Variants in NOL10 observed in about 807,000 individuals in gnomAD.
The protein encoded by NOL10 is nucleolar protein 10.
Under a neutral mutation model 103.5 loss-of-function variants are expected in NOL10, and 58 were observed. The ratio of observed to expected loss-of-function variants is 0.56; its 90% CI spans 0.45 to 0.70. NOL10 has a LOEUF of 0.70. NOL10 is among the 30% of genes least tolerant of loss of function. The pLI is 0.00. For synonymous variants in NOL10, 287 were observed against 282.5 expected, an observed-to-expected ratio of 1.02 and a Z score of -0.16; for missense variants, 763 against 807.3, an observed-to-expected ratio of 0.95 and a Z score of 0.67.
At chr2:10,613,470 T>C (rs567377330) in intron 13 of NOL10, among the ~76,000 whole-genome samples, 2 of 152,362 alleles carry the variant, frequency 1.3e-5, no homozygotes, top group South Asian at 4.1e-4. Context: ...CCGATCAAGA[T>C]AGCTTTGCAA....
intron 7 of NOL10, among the ~76,000 whole-genome samples, chr2:10,668,093 T>C (rs1176492430): frequency 6.6e-6 from 1 of 152,138 alleles, no homozygotes; most frequent in Admixed American, 6.6e-5. Context: ...AAAAATCTGT[T>C]CTAAGTTTAA....
chr2:10,626,530 A>G (rs559150822), intron 13 of NOL10, among the ~76,000 whole-genome samples: 6 of 152,292 alleles, frequency 3.9e-5, no homozygotes, highest in African/African-American at 1.4e-4. Context: ...AAAAAACAAA[A>G]CAAAACCAAA....
chr2:10,682,650 T>C (rs1156722682), intron 2 of NOL10, among the ~76,000 whole-genome samples: 1 of 152,034 alleles, frequency 6.6e-6, no homozygotes, highest in Non-Finnish European at 1.5e-5. Context: ...TCCTCACACT[T>C]CAGCCTCCCA....
chr2:10,603,977 G>C (rs1470875985), intron 14 of NOL10, among the ~76,000 whole-genome samples: 1 of 152,214 alleles, frequency 6.6e-6, no homozygotes, highest in African/African-American at 2.4e-5. Context: ...TGGTTTTGTA[G>C]AAGACAATTT....
Position 10,577,787 on chromosome 2 carries a change from TTTACCA to T in NOL10, c.1845-55_1845-50del, listed in dbSNP as rs1404812478. On this transcript the variant is annotated intron_variant, in intron 19 of 20. Transcript: ENST00000381685. ...CACATTAATCAAAATTATGTTTTAA[TTTACCA>T]TTTGAAACAAGTTTTGATTAGAATT... is the stretch of plus-strand genomic sequence containing the variant. 8.6e-6 allele frequency: 11 copies of T among 1,272,006 alleles called. No individual in the cohort carries two copies. In the Admixed American group the frequency reaches 1.9e-4, roughly 22 times the overall value. 78.8% of individuals were successfully genotyped at this position (1,272,006 alleles called of 1,614,324 possible).
Position 10,682,026 on chromosome 2 carries a change from A to C in NOL10, c.156T>G (p.Pro52=). 1 of 1,535,830 alleles carries C rather than the reference A, an allele frequency of 6.5e-7. No homozygotes were observed. The highest frequency in any genetic ancestry group is 8.8e-7 in the Non-Finnish European group (1 of 1,139,680). The change falls in exon 3 of 21, where the codon CCT becomes CCG. Residue 52 remains proline, a synonymous_variant. Transcript: ENST00000381685. ...ACACCTTAATAGTGGTACACACAGTAGGCATTTCAAAGTCCTGAATAAGTT... is the reference window on the plus strand; with the variant it reads ...ACACCTTAATAGTGGTACACACAGTCGGCATTTCAAAGTCCTGAATAAGTT... The part of the protein sequence containing the change: ...RIELIQDFEM[P]TVCTTIKVSK...
At chr2:10,688,203 G>A (rs1217413914) in intron 1 of NOL10, among the ~76,000 whole-genome samples, 1 of 152,100 alleles carries the variant, frequency 6.6e-6, no homozygotes, top group East Asian at 1.9e-4. Flanking sequence ...CCAAGCCACC[G>A]AAGTCGCTCA....
intron 11 of NOL10, among the ~76,000 whole-genome samples, chr2:10,654,860 TA>T (rs550593686): frequency 4.0e-5 from 6 of 151,684 alleles, no homozygotes; most frequent in South Asian, 2.1e-4. Context: ...GCATCAACTT[TA>T]AAAAAAAATC....
chr2:10,614,608 A>G (rs1245717077), intron 13 of NOL10, among the ~76,000 whole-genome samples: 2 of 152,242 alleles, frequency 1.3e-5, no homozygotes, highest in African/African-American at 4.8e-5. Context: ...CAGACCTACA[A>G]AGAAATTCAT....
At chr2:10,676,886 C>T (rs1394319362) in intron 3 of NOL10, among the ~76,000 whole-genome samples, 1 of 150,830 alleles carries the variant, frequency 6.6e-6, no homozygotes, top group Non-Finnish European at 1.5e-5. Context: ...GATCCACCCA[C>T]CTTGGCCTCC....
chr2:10,670,133 T>C (rs1315088252), intron 6 of NOL10, among the ~76,000 whole-genome samples: 1 of 152,084 alleles, frequency 6.6e-6, no homozygotes, highest in Non-Finnish European at 1.5e-5. Flanking sequence ...ACTGACTTTA[T>C]CAACTAGATT....
At chr2:10,666,927 T>C (rs1680604801) in intron 8 of NOL10, among the ~76,000 whole-genome samples, 1 of 152,198 alleles carries the variant, frequency 6.6e-6, no homozygotes, top group Admixed American at 6.5e-5. Flanking sequence ...GCTTCTGACA[T>C]ATTTGCATTT....
At chr2:10,582,990 G>C (rs1674838221) in intron 19 of NOL10, among the ~76,000 whole-genome samples, 2 of 152,276 alleles carry the variant, frequency 1.3e-5, no homozygotes, top group African/African-American at 4.8e-5. Context: ...CACTTGGCAG[G>C]ACTGAGAAAC....
chr2:10,674,883 G>A (rs938537241), intron 4 of NOL10, among the ~76,000 whole-genome samples: 3 of 151,906 alleles, frequency 2.0e-5, no homozygotes, highest in Non-Finnish European at 4.4e-5. Flanking sequence ...TCTCTGGCTG[G>A]CAGCAGAAGA....
intron 6 of NOL10, among the ~76,000 whole-genome samples, chr2:10,670,216 T>A (rs945596141): frequency 6.6e-6 from 1 of 152,202 alleles, no homozygotes; most frequent in African/African-American, 2.4e-5. Flanking sequence ...GAGTCACATG[T>A]AGGAATTATA....
chr2:10,660,328 T>G (rs1378827912), intron 9 of NOL10, among the ~76,000 whole-genome samples: 1 of 152,190 alleles, frequency 6.6e-6, no homozygotes, highest in Non-Finnish European at 1.5e-5. Flanking sequence ...TTCACATATT[T>G]TTTTTGGAGA....
At chr2:10,661,834 T>C (rs185237999) in intron 9 of NOL10, among the ~76,000 whole-genome samples, 26 of 151,992 alleles carry the variant, frequency 1.7e-4, no homozygotes, top group African/African-American at 6.3e-4. Context: ...TTCTAAGGTT[T>C]GTAGGGAAAA....
At chr2:10,631,129 C>G (rs1478993113) in intron 13 of NOL10, among the ~76,000 whole-genome samples, 2 of 152,174 alleles carry the variant, frequency 1.3e-5, no homozygotes, top group Non-Finnish European at 2.9e-5. Context: ...CGGACACTAA[C>G]AGATTCAGGG....
At chr2:10,613,570 G>T (rs1236195231) in intron 13 of NOL10, among the ~76,000 whole-genome samples, 1 of 152,178 alleles carries the variant, frequency 6.6e-6, no homozygotes, top group African/African-American at 2.4e-5. Context: ...TAAGAATGTA[G>T]TGCTACATAA....
Sources: allele counts gnomAD v4.1 joint callset (sites outside exome capture counted in the v4.1 genomes callset), GRCh38; gene constraint gnomAD v4.1.1; transcripts MANE v1.5; gene names NCBI Gene and HGNC (gene_info 2026-07-23, HGNC 2026-07-21).